CADPS: variants seen among roughly 807,000 people sequenced by gnomAD.
The protein encoded by CADPS is calcium dependent secretion activator.
CADPS carries 57 observed loss-of-function variants against 167.3 expected under a neutral mutation model. That is an observed-to-expected ratio of 0.34 (90% CI 0.28 to 0.42). The LOEUF (loss-of-function observed/expected upper bound fraction) is 0.42. CADPS is among the 20% of genes least tolerant of loss of function. CADPS has a pLI of 1.00. For synonymous variants in CADPS, 676 were observed against 635.3 expected, an observed-to-expected ratio of 1.06 and a Z score of -0.96; for missense variants, 1,414 against 1,738.1, an observed-to-expected ratio of 0.81 and a Z score of 3.32.
intron 10 of CADPS, among the ~76,000 whole-genome samples, chr3:62,555,261 T>C (rs534266360): frequency 1.3e-5 from 2 of 152,358 alleles, no homozygotes; most frequent in South Asian, 4.1e-4. Flanking sequence ...ATTTATAAAT[T>C]ATATCCCATG....
rs113082818 is a variant in CADPS at position 62,740,855 on chromosome 3, G to T, written c.888+12586C>A. Reference sequence around the variant, plus strand: ...AGAAAAGTTAATTAACTTGCTAAAGGTTACATCGATAATAAATAGCTAAGC... The same window carrying T: ...AGAAAAGTTAATTAACTTGCTAAAGTTTACATCGATAATAAATAGCTAAGC... On this transcript the variant is annotated intron_variant, in intron 3 of 29. Transcript: ENST00000383710. Among the ~76,000 whole-genome samples the T allele has an allele frequency of 3.0e-3, 459 of 152,176 alleles. 1 individual carries two copies. Among genetic ancestry groups the T allele is most frequent in the African/African-American group, 0.01 (430 of 41,510 alleles).
intron 1 of CADPS, among the ~76,000 whole-genome samples, chr3:62,845,375 T>C (rs2077247931): frequency 6.6e-6 from 1 of 152,154 alleles, no homozygotes; most frequent in Admixed American, 6.5e-5. Flanking sequence ...ACCAGATGTG[T>C]GATTTGAACA....
intron 1 of CADPS, among the ~76,000 whole-genome samples, chr3:62,772,740 C>T (rs927014999): frequency 6.6e-6 from 1 of 152,132 alleles, no homozygotes; most frequent in Non-Finnish European, 1.5e-5. Context: ...TACTAAGATG[C>T]TTATTGGTTA....
At chr3:62,594,101 A>G (rs533946850) in intron 6 of CADPS, among the ~76,000 whole-genome samples, 7 of 151,560 alleles carry the variant, frequency 4.6e-5, no homozygotes, top group Non-Finnish European at 1.0e-4. Context: ...CAACTTCCAT[A>G]CTTTAAAATG....
chr3:62,826,118 G>A (rs1005961481), intron 1 of CADPS, among the ~76,000 whole-genome samples: 1 of 152,148 alleles, frequency 6.6e-6, no homozygotes, highest in Non-Finnish European at 1.5e-5. Flanking sequence ...TCTGAGGCAG[G>A]TGGTAGAAGA....
chr3:62,615,775 G>A (rs779526419), intron 6 of CADPS, among the ~76,000 whole-genome samples: 1 of 152,130 alleles, frequency 6.6e-6, no homozygotes, highest in Non-Finnish European at 1.5e-5. Context: ...GAAGAAAAAT[G>A]CATTTGTCCT....
intron 3 of CADPS, among the ~76,000 whole-genome samples, chr3:62,714,580 T>C (rs1334252499): frequency 1.3e-5 from 2 of 152,176 alleles, no homozygotes; most frequent in African/African-American, 4.8e-5. Flanking sequence ...GAAAGAAGCC[T>C]GCCTGCAAAG....
At chr3:62,722,779 A>G (rs1023283049) in intron 3 of CADPS, among the ~76,000 whole-genome samples, 8 of 152,162 alleles carry the variant, frequency 5.3e-5, no homozygotes, top group South Asian at 4.1e-4. Flanking sequence ...CCTCATCACT[A>G]CTGACATTTG....
rs912631393 is a variant in CADPS, at chr3:62,399,766, A to C, written c.3883-181T>G. On this transcript the variant is annotated intron_variant, in intron 29 of 29. Transcript: ENST00000383710. This position sits in a 1 kb window ranked among gnomAD's most constrained non-coding sequence, Gnocchi z 5.6. ...TTGTATTGAAAACTGAGATCCTTTG[A>C]ATGACAGAAAATGAGAAATAGTGAC... Among the ~76,000 whole-genome samples the C allele has an allele frequency of 2.6e-5, 4 of 152,232 alleles. No individual in the cohort carries two copies. Among genetic ancestry groups the C allele is most frequent in the African/African-American group, 7.2e-5 (3 of 41,458 alleles).
chr3:62,405,848 A>C (rs1708286063), intron 28 of CADPS, among the ~76,000 whole-genome samples: 1 of 152,238 alleles, frequency 6.6e-6, no homozygotes, highest in Non-Finnish European at 1.5e-5. Context: ...TGGATGCAGC[A>C]CAGTGCTAAC....
Position 62,748,344 on chromosome 3 carries a change from C to CAAAAAAAAAAAAAAA in CADPS, c.888+5082_888+5096dup, listed in dbSNP as rs60942307. On this transcript the variant is annotated intron_variant, in intron 3 of 29. Transcript: ENST00000383710. ...CTGGGCGAGAAGCGAGACTCCGTCT[C>CAAAAAAAAAAAAAAA]AAAAAAAAAAAAAAAAAAAAAAAAA... Among the ~76,000 whole-genome samples, 189 of 48,490 alleles carry CAAAAAAAAAAAAAAA rather than the reference C, an allele frequency of 3.9e-3. 12 individuals carry two copies. The highest frequency in any genetic ancestry group is 4.6e-3 in the African/African-American group (53 of 11,484). 31.8% of individuals were successfully genotyped at this position (48,490 alleles called of 152,430 possible).
intron 28 of CADPS, among the ~76,000 whole-genome samples, chr3:62,409,024 C>G (rs2048440130): frequency 6.6e-6 from 1 of 152,142 alleles, no homozygotes; most frequent in Non-Finnish European, 1.5e-5. Context: ...AACATGGAGC[C>G]CTTATAATGT....
At chr3:62,494,058 G>A (rs896622770) in intron 18 of CADPS, among the ~76,000 whole-genome samples, 2 of 152,138 alleles carry the variant, frequency 1.3e-5, no homozygotes, top group Non-Finnish European at 2.9e-5. Flanking sequence ...AAAGGGTATT[G>A]GATTCCTCTA....
Position 62,766,374 on chromosome 3 carries a change from T to C in CADPS, c.442-390A>G, listed in dbSNP as rs150737781. 4.0e-3 allele frequency among the ~76,000 whole-genome samples: 612 copies of C among 152,232 alleles called. 4 individuals are homozygous for C. Among genetic ancestry groups the C allele is most frequent in the Middle Eastern group, 0.01 (3 of 294 alleles). ...AGCTCCACATTCAGTGTTGTCTCAG[T>C]GGCAGCTTCATGTCAGCCAAGGTGG... is the stretch of plus-strand genomic sequence containing the variant. On this transcript the variant is annotated intron_variant, in intron 1 of 29. Transcript: ENST00000383710.
At chr3:62,565,930 G>A (rs1487146281) in intron 9 of CADPS, among the ~76,000 whole-genome samples, 1 of 152,346 alleles carries the variant, frequency 6.6e-6, no homozygotes, top group Non-Finnish European at 1.5e-5. Context: ...TGTATGTGTA[G>A]AGCAGGAGAT....
At chr3:62,860,527 T>G (rs756670680) in intron 1 of CADPS, among the ~76,000 whole-genome samples, 2 of 152,154 alleles carry the variant, frequency 1.3e-5, no homozygotes, top group Non-Finnish European at 2.9e-5. Flanking sequence ...CCTCCCTATG[T>G]GTGGGTTTCA....
At chr3:62,517,189 A>T (rs765975781) in intron 14 of CADPS, among the ~76,000 whole-genome samples, 4 of 152,154 alleles carry the variant, frequency 2.6e-5, no homozygotes, top group Non-Finnish European at 5.9e-5. Context: ...AGATTTATCC[A>T]GGAGGATTTT....
intron 11 of CADPS, among the ~76,000 whole-genome samples, chr3:62,542,588 C>T (rs2075867782): frequency 6.6e-6 from 1 of 152,080 alleles, no homozygotes; most frequent in African/African-American, 2.4e-5. Context: ...CCCAGAGGCA[C>T]AAATGGACCA....
intron 1 of CADPS, among the ~76,000 whole-genome samples, chr3:62,817,889 T>C (rs1465992881): frequency 2.0e-4 from 31 of 152,172 alleles, no homozygotes; most frequent in Admixed American, 2.0e-3. Context: ...ATGTCTATAT[T>C]ACCACATTTC....
Sources: gnomAD v4.1 joint callset for allele counts (sites outside exome capture counted in the v4.1 genomes callset) on GRCh38, gnomAD v4.1.1 for gene constraint, Gnocchi (gnomAD v3.1) non-coding constraint, MANE v1.5 for transcripts, NCBI Gene and HGNC (gene_info 2026-07-23, HGNC 2026-07-21) for gene names.